PPP2R2B: variants seen among roughly 807,000 people sequenced by gnomAD.
PPP2R2B encodes serine/threonine-protein phosphatase 2A 55 kDa regulatory subunit B beta isoform.
Under a neutral mutation model 46.0 loss-of-function variants are expected in PPP2R2B, and 5 were observed. That is an observed-to-expected ratio of 0.11 (90% confidence interval 0.06 to 0.23). The LOEUF (loss-of-function observed/expected upper bound fraction) is 0.23, where lower values mean the gene tolerates loss of function less well. Among genes scored for constraint, PPP2R2B ranks in the 10% least tolerant of loss-of-function variants. The pLI, the probability that PPP2R2B is intolerant of heterozygous loss-of-function variation, is 1.00. For synonymous variants in PPP2R2B, 215 were observed against 206.7 expected (o/e 1.04, Z -0.34); for missense variants, 367 against 575.0 (o/e 0.64, Z 3.70).
chr5:147,056,165 C>T, upstream of PPP2R2B: 2 of 990,734 alleles, frequency 2.0e-6, no homozygotes, highest in Non-Finnish European at 1.2e-6. Context: ...GTGACCATCT[C>T]TTATTTAGCT....
intron 1 of PPP2R2B, among the ~76,000 whole-genome samples, chr5:146,896,790 G>A (rs1321365660): frequency 6.6e-6 from 1 of 152,040 alleles, no homozygotes; most frequent in African/African-American, 2.4e-5. Flanking sequence ...GTTAGTGGGG[G>A]TTGTCAATAC....
At chr5:146,990,985 A>G (rs1753675381) in intron 1 of PPP2R2B, among the ~76,000 whole-genome samples, 2 of 152,158 alleles carry the variant, frequency 1.3e-5, no homozygotes, top group East Asian at 1.9e-4. Flanking sequence ...AACATCGTTA[A>G]TCATCAAGAG....
chr5:146,792,436 G>A (rs925575020), intron 2 of PPP2R2B, among the ~76,000 whole-genome samples: 1 of 152,160 alleles, frequency 6.6e-6, no homozygotes, highest in Non-Finnish European at 1.5e-5. Flanking sequence ...ACTGTCCTAG[G>A]ATGTTGGGGG....
At chr5:146,788,856 C>A (rs1207812460) in intron 2 of PPP2R2B, among the ~76,000 whole-genome samples, 2 of 152,178 alleles carry the variant, frequency 1.3e-5, no homozygotes, top group African/African-American at 4.8e-5. Context: ...CTCACACAGA[C>A]CTCTAAATTC....
At chr5:146,740,705 A>C (rs1356206607) in intron 2 of PPP2R2B, among the ~76,000 whole-genome samples, 1 of 151,966 alleles carries the variant, frequency 6.6e-6, no homozygotes, top group Non-Finnish European at 1.5e-5. Context: ...TTTTACTCAC[A>C]CTGTCTGATT....
intron 7 of PPP2R2B, among the ~76,000 whole-genome samples, chr5:146,621,148 T>G (rs1480560881): frequency 1.3e-5 from 2 of 152,252 alleles, no homozygotes; most frequent in Admixed American, 1.3e-4. Context: ...CTTCACTGTC[T>G]TCTCATGGAT....
chr5:146,855,528 CT>C (rs1760606093), intron 2 of PPP2R2B, among the ~76,000 whole-genome samples: 1 of 152,054 alleles, frequency 6.6e-6, no homozygotes, highest in Non-Finnish European at 1.5e-5. Context: ...GTTTTCTTCC[CT>C]TTTTGAACTG....
chr5:146,963,286 G>A (rs990967893), intron 1 of PPP2R2B, among the ~76,000 whole-genome samples: 5 of 152,162 alleles, frequency 3.3e-5, no homozygotes, highest in South Asian at 2.1e-4. Context: ...ACATTGGGCT[G>A]ACATCGCCTA....
chr5:146,788,307 AT>A (rs893552311), intron 2 of PPP2R2B, among the ~76,000 whole-genome samples: 101 of 147,308 alleles, frequency 6.9e-4, no homozygotes, highest in Non-Finnish European at 6.1e-4. Flanking sequence ...CACCAGCCAC[AT>A]TTTTTTTTTC....
intron 2 of PPP2R2B, among the ~76,000 whole-genome samples, chr5:146,857,008 G>T (rs1158536422): frequency 6.6e-6 from 1 of 152,176 alleles, no homozygotes; most frequent in Non-Finnish European, 1.5e-5. Context: ...GAAAACAGCT[G>T]CTGTATGACC....
chr5:146,993,862 G>A (rs927940674), intron 1 of PPP2R2B, among the ~76,000 whole-genome samples: 14 of 151,930 alleles, frequency 9.2e-5, no homozygotes, highest in African/African-American at 1.9e-4. Flanking sequence ...GGCTCCCTAC[G>A]TTAGGATACT....
intron 2 of PPP2R2B, among the ~76,000 whole-genome samples, chr5:146,722,755 C>T (rs1751606734): frequency 6.6e-6 from 1 of 152,166 alleles, no homozygotes; most frequent in Admixed American, 6.5e-5. Flanking sequence ...AGGTTAGTGC[C>T]TAATACATAG....
chr5:146,872,497 C>T (rs866266139), intron 2 of PPP2R2B, among the ~76,000 whole-genome samples: 2 of 152,320 alleles, frequency 1.3e-5, no homozygotes, highest in Middle Eastern at 3.4e-3. Flanking sequence ...TCAATGCCTT[C>T]CCAGCATCTT....
rs976479083 is a variant in PPP2R2B at position 146,587,728 on chromosome 5, T to C, written c.*2219A>G. ...GGTATGTGGGTGCATGTTTGTTACA[T>C]TGATAATTATGTGATTAATGTTAGG... On this transcript the variant is annotated 3_prime_UTR_variant, in exon 10 of 10. Transcript: ENST00000394411. 1 of 152,182 alleles carries C rather than the reference T, an allele frequency of 6.6e-6. No individual in the cohort carries two copies. The highest frequency in any genetic ancestry group is 2.4e-5 in the African/African-American group (1 of 41,440). The allele number at this position is 152,182 out of a possible 1,614,324, so 9.4% of individuals were successfully genotyped here.
intron 2 of PPP2R2B, among the ~76,000 whole-genome samples, chr5:146,793,193 A>G (rs1188750787): frequency 1.3e-5 from 2 of 152,236 alleles, no homozygotes; most frequent in African/African-American, 2.4e-5. Flanking sequence ...GGCCTGAAGA[A>G]CTAGAAGGAT....
chr5:147,010,529 G>A (rs139523301), intron 1 of PPP2R2B, among the ~76,000 whole-genome samples: 1 of 152,266 alleles, frequency 6.6e-6, no homozygotes. Context: ...CTCATAAGGT[G>A]TGTGCAACCT....
chr5:146,615,893 A>G (rs566051769), intron 7 of PPP2R2B, among the ~76,000 whole-genome samples: 2 of 152,344 alleles, frequency 1.3e-5, no homozygotes, highest in African/African-American at 4.8e-5. Flanking sequence ...AAACAATCCT[A>G]AAATTTATAT....
chr5:146,663,390 T>C (rs1776787926), intron 5 of PPP2R2B, among the ~76,000 whole-genome samples: 1 of 152,198 alleles, frequency 6.6e-6, no homozygotes, highest in African/African-American at 2.4e-5. Context: ...CAGAAGGTAA[T>C]CTGGAAGTAG....
intron 5 of PPP2R2B, among the ~76,000 whole-genome samples, chr5:146,686,461 A>G (rs1364180521): frequency 6.6e-6 from 1 of 152,236 alleles, no homozygotes; most frequent in Non-Finnish European, 1.5e-5. Context: ...CTGGAGAGAA[A>G]AATAGAACCT....
Sources: allele counts gnomAD v4.1 joint callset (sites outside exome capture counted in the v4.1 genomes callset), GRCh38; gene constraint gnomAD v4.1.1; transcripts MANE v1.5; gene names NCBI Gene and HGNC (gene_info 2026-07-23, HGNC 2026-07-21).